EDIL3: variants seen among roughly 807,000 people sequenced by gnomAD.
EDIL3 encodes the protein EGF-like repeat and discoidin I-like domain-containing protein 3.
Under a neutral mutation model 67.4 loss-of-function variants are expected in EDIL3, and 37 were observed. That is an observed-to-expected ratio of 0.55 (90% CI 0.42 to 0.72). The LOEUF (loss-of-function observed/expected upper bound fraction) is 0.72, where lower values mean the gene tolerates loss of function less well. Among genes scored for constraint, EDIL3 ranks in the 30% least tolerant of loss-of-function variants. The probability of loss-of-function intolerance (pLI) is 0.00; values close to 1 mark genes in which losing one functional copy is unlikely to be tolerated. For synonymous variants in EDIL3, 195 were observed against 196.3 expected (o/e 0.99, Z 0.05); for missense variants, 527 against 586.3 (o/e 0.90, Z 1.04).
At chr5:84,296,784 G>A (rs1746059354) in intron 1 of EDIL3, among the ~76,000 whole-genome samples, 1 of 152,152 alleles carries the variant, frequency 6.6e-6, no homozygotes, top group Admixed American at 6.6e-5. Context: ...CATCATTAGA[G>A]TGATCAGACA....
At chr5:84,271,626 G>T (rs1444829651) in intron 1 of EDIL3, among the ~76,000 whole-genome samples, 2 of 151,896 alleles carry the variant, frequency 1.3e-5, no homozygotes, top group Non-Finnish European at 2.9e-5. Context: ...CTCTGGAAAA[G>T]AAAATCTATT....
chr5:84,324,927 T>TAA (rs36022918), intron 1 of EDIL3, among the ~76,000 whole-genome samples: 41,983 of 148,872 alleles, frequency 0.28, 6,364 homozygotes, highest in Non-Finnish European at 0.36. Flanking sequence ...TTCTCCTGAT[T>TAA]AAAAAAAAAA....
chr5:84,268,649 C>T (rs1039941301), intron 1 of EDIL3, among the ~76,000 whole-genome samples: 1 of 152,152 alleles, frequency 6.6e-6, no homozygotes, highest in African/African-American at 2.4e-5. Flanking sequence ...TTTCACTTAG[C>T]ATCTTTGATG....
intron 4 of EDIL3, among the ~76,000 whole-genome samples, chr5:84,143,352 C>A (rs1270997115): frequency 2.0e-5 from 3 of 152,034 alleles, no homozygotes; most frequent in South Asian, 2.1e-4. Flanking sequence ...CAGAACGTAT[C>A]ACACACAAAC....
chr5:84,011,240 T>C (rs902984421), intron 9 of EDIL3, among the ~76,000 whole-genome samples: 9 of 152,150 alleles, frequency 5.9e-5, no homozygotes, highest in African/African-American at 2.2e-4. Flanking sequence ...ACCTGCTCTT[T>C]CTCTAATCTT....
chr5:83,991,219 G>A (rs974460967), intron 9 of EDIL3, among the ~76,000 whole-genome samples: 7 of 151,988 alleles, frequency 4.6e-5, no homozygotes, highest in African/African-American at 9.7e-5. Flanking sequence ...CAACTGGCCC[G>A]TTCCCACATC....
At chr5:84,043,337 G>T (rs539740566) in intron 9 of EDIL3, among the ~76,000 whole-genome samples, 2 of 152,308 alleles carry the variant, frequency 1.3e-5, no homozygotes, top group African/African-American at 4.8e-5. Flanking sequence ...CCATTCTGAA[G>T]ATGAAATTGA....
intron 5 of EDIL3, among the ~76,000 whole-genome samples, chr5:84,122,530 T>C (rs1747794852): frequency 6.6e-6 from 1 of 151,858 alleles, no homozygotes. Flanking sequence ...TTATTTCCAA[T>C]TGTAATTGAG....
At chr5:84,169,496 G>T (rs925163286) in intron 4 of EDIL3, among the ~76,000 whole-genome samples, 1 of 151,860 alleles carries the variant, frequency 6.6e-6, no homozygotes, top group African/African-American at 2.4e-5. Flanking sequence ...ATACGAAATG[G>T]TTCAAACACA....
chr5:84,159,491 AT>A (rs1383767847), intron 4 of EDIL3, among the ~76,000 whole-genome samples: 1 of 152,080 alleles, frequency 6.6e-6, no homozygotes, highest in Admixed American at 6.6e-5. Flanking sequence ...TGTTAAGTAT[AT>A]TTTTTTCATT....
chr5:83,993,489 A>AT (rs1745185892), intron 9 of EDIL3, among the ~76,000 whole-genome samples: 1 of 152,192 alleles, frequency 6.6e-6, no homozygotes, highest in East Asian at 1.9e-4. Flanking sequence ...TAAACCACAC[A>AT]TATTTTCTTC....
intron 1 of EDIL3, among the ~76,000 whole-genome samples, chr5:84,358,592 CTTTTTTTTT>C (rs756013675): frequency 1.3e-4 from 12 of 94,570 alleles, no homozygotes; most frequent in Middle Eastern, 5.7e-3. Flanking sequence ...CATTTTTATC[CTTTTTTTTT>C]TTTTTTTTTT....
intron 9 of EDIL3, among the ~76,000 whole-genome samples, chr5:84,039,949 T>C (rs995962577): frequency 6.6e-6 from 1 of 152,198 alleles, no homozygotes; most frequent in African/African-American, 2.4e-5. Flanking sequence ...TTAGTCATTC[T>C]AATCAATAAA....
At chr5:83,943,689 C>T (rs1744264716) in intron 10 of EDIL3, 121 bp from the exon 11 acceptor site, 3 of 1,131,006 alleles carry the variant, frequency 2.7e-6, no homozygotes, top group African/African-American at 1.6e-5. Flanking sequence ...ATTTTCTTTT[C>T]TTCAAAATAT....
intron 1 of EDIL3, among the ~76,000 whole-genome samples, chr5:84,264,674 A>G (rs551839379): frequency 7.2e-5 from 11 of 152,190 alleles, no homozygotes; most frequent in Non-Finnish European, 1.5e-4. Context: ...ACAATTACAA[A>G]CCCAGAAAAT....
intron 3 of EDIL3, among the ~76,000 whole-genome samples, chr5:84,220,264 T>G (rs760157420): frequency 6.6e-6 from 1 of 152,036 alleles, no homozygotes; most frequent in Admixed American, 6.6e-5. Context: ...AAATTAAAAC[T>G]TAAAAGAAAT....
chr5:84,066,543 T>C lies in EDIL3; in HGVS notation c.715A>G (p.Ser239Gly), dbSNP rs1462187440. The change falls in exon 7 of 11, where the codon AGC becomes GGC. Residue 239 changes from serine (S) to glycine (G), a missense_variant. Physicochemically the swap from Ser to Gly is moderately conservative, Grantham distance 56. Transcript: ENST00000296591. ...VITQGAKRIG[S>G]PEYIKSYKIA... ...TTGTAGGATTTTATATACTCTGGGC[T>C]TCCAATCCTCTTGGCTCCTTGGGTA... is the stretch of plus-strand genomic sequence containing the variant. 14 of 1,613,460 alleles carry C rather than the reference T, an allele frequency of 8.7e-6. No homozygotes were observed. The highest frequency in any genetic ancestry group is 1.1e-5 in the Non-Finnish European group (13 of 1,179,838).
intron 1 of EDIL3, among the ~76,000 whole-genome samples, chr5:84,301,279 GA>G (rs5869220): frequency 0.015 from 1,836 of 122,380 alleles, 35 homozygotes; most frequent in African/African-American, 0.054. Flanking sequence ...AAAAAAAAAA[GA>G]AAAAAAAAAA....
chr5:84,284,883 G>A (rs963465552), intron 1 of EDIL3, among the ~76,000 whole-genome samples: 1 of 152,022 alleles, frequency 6.6e-6, no homozygotes, highest in Non-Finnish European at 1.5e-5. Context: ...TTGTAGTTAA[G>A]TAACATTCAG....
Sources: gnomAD v4.1 joint callset for allele counts (sites outside exome capture counted in the v4.1 genomes callset) on GRCh38, gnomAD v4.1.1 for gene constraint, MANE v1.5 for transcripts, NCBI Gene and HGNC (gene_info 2026-07-23, HGNC 2026-07-21) for gene names.